CLDN10: variants seen among roughly 807,000 people sequenced by gnomAD.
CLDN10 encodes the protein claudin-10.
In CLDN10, 15 loss-of-function variants were observed where a neutral mutation model predicts 22.9. That is an observed-to-expected ratio of 0.65 (90% CI 0.44 to 1.01). The LOEUF is 1.01. Ranked by LOEUF, CLDN10 falls within the 50% of genes least tolerant of loss-of-function variation. CLDN10 has a pLI of 0.00. For synonymous variants in CLDN10, 114 were observed against 111.4 expected, an observed-to-expected ratio of 1.02 and a Z score of -0.15; for missense variants, 247 against 287.8, an observed-to-expected ratio of 0.86 and a Z score of 1.03.
intron 1 of CLDN10, among the ~76,000 whole-genome samples, chr13:95,505,545 A>G (rs1305564903): frequency 6.6e-6 from 1 of 152,110 alleles, no homozygotes; most frequent in Admixed American, 6.5e-5. Context: ...TCTGAAGGGT[A>G]TTTTTGGCTC....
intron 1 of CLDN10, among the ~76,000 whole-genome samples, chr13:95,457,357 G>A (rs1322834872): frequency 6.6e-6 from 1 of 152,190 alleles, no homozygotes; most frequent in Non-Finnish European, 1.5e-5. Context: ...ACATTGCAGA[G>A]TTTGTTTCGT....
At chr13:95,553,592 C>G (rs553812515) in intron 1 of CLDN10, among the ~76,000 whole-genome samples, 2 of 152,370 alleles carry the variant, frequency 1.3e-5, no homozygotes, top group Non-Finnish European at 2.9e-5. Flanking sequence ...ACTACAAACA[C>G]TTCCTCCGAG....
chr13:95,440,775 AG>A (rs1457002614), intron 1 of CLDN10, among the ~76,000 whole-genome samples: 3 of 152,366 alleles, frequency 2.0e-5, no homozygotes, highest in Middle Eastern at 3.4e-3. Context: ...GAATCTAGAC[AG>A]GTTGAGCCAC....
chr13:95,474,825 T>G (rs1594544439), intron 1 of CLDN10, among the ~76,000 whole-genome samples: 6 of 146,716 alleles, frequency 4.1e-5, no homozygotes, highest in South Asian at 2.2e-4. Context: ...GGGGGTAGGG[T>G]GGAGGAAGAT....
chr13:95,460,200 T>C (rs1047776271), intron 1 of CLDN10, among the ~76,000 whole-genome samples: 2 of 152,210 alleles, frequency 1.3e-5, no homozygotes, highest in Admixed American at 1.3e-4. Context: ...AACAAGTCTC[T>C]AGAAACTTTC....
intron 3 of CLDN10, among the ~76,000 whole-genome samples, chr13:95,572,038 G>A (rs2043868731): frequency 1.3e-5 from 2 of 152,096 alleles, no homozygotes; most frequent in South Asian, 2.1e-4. Context: ...AGGTGCTTTC[G>A]TTTGTTAAAA....
chr13:95,482,528 C>A (rs964118202), intron 1 of CLDN10, among the ~76,000 whole-genome samples: 4 of 152,132 alleles, frequency 2.6e-5, no homozygotes, highest in Non-Finnish European at 5.9e-5. Context: ...TCTCGGGCTG[C>A]CTTCAGTGCA....
upstream of CLDN10, among the ~76,000 whole-genome samples, chr13:95,552,190 A>G (rs2043573156): frequency 6.6e-6 from 1 of 152,272 alleles, no homozygotes; most frequent in Non-Finnish European, 1.5e-5. Flanking sequence ...AGAATCTGCA[A>G]TGATCCCTCC....
rs972645491 is a variant in CLDN10, at chr13:95,579,170, A to G, written c.*1156A>G. ...ATGGGTTAAGGACATCCCAAGCCCAAGTGGTACGTGCCTCACTCAGAACTG... is the reference window on the plus strand; with the variant it reads ...ATGGGTTAAGGACATCCCAAGCCCAGGTGGTACGTGCCTCACTCAGAACTG... On this transcript the variant is annotated 3_prime_UTR_variant, in exon 5 of 5. Transcript: ENST00000299339. 2 of 152,210 alleles carry G rather than the reference A, an allele frequency of 1.3e-5. No homozygotes were observed. The highest frequency in any genetic ancestry group is 2.4e-5 in the African/African-American group (1 of 41,444). 9.4% of individuals were successfully genotyped at this position (152,210 alleles called of 1,614,324 possible). A position where few individuals can be genotyped will look rare whatever the true frequency, so the allele number is the denominator to read the frequency against.
chr13:95,551,734 C>A (rs568165657), upstream of CLDN10, among the ~76,000 whole-genome samples: 11 of 152,276 alleles, frequency 7.2e-5, no homozygotes, highest in East Asian at 1.3e-3. Flanking sequence ...CAAATAATAA[C>A]CCGTGTCCTT....
chr13:95,540,474 G>A (rs1328995042), intron 1 of CLDN10, among the ~76,000 whole-genome samples: 2 of 152,030 alleles, frequency 1.3e-5, no homozygotes, highest in Non-Finnish European at 2.9e-5. Flanking sequence ...AGCCTGGGCA[G>A]CAGAGCAGAG....
chr13:95,508,017 G>A (rs986511723), intron 1 of CLDN10, among the ~76,000 whole-genome samples: 3 of 152,114 alleles, frequency 2.0e-5, no homozygotes, highest in Admixed American at 6.6e-5. Context: ...GAGCCCAGGA[G>A]GTGGAGGCTG....
In CLDN10 at chr13:95,536,046, T is replaced by C. The variant is rs190102089; in HGVS notation, c.215-24086T>C. Among the ~76,000 whole-genome samples the C allele has an allele frequency of 8.5e-5, 13 of 152,080 alleles. No homozygotes were observed. In the East Asian group the frequency reaches 2.5e-3, roughly 29 times the overall value. ...AGATGGCAGTGGATGGAGAAGTAGA[T>C]GGGTGGTGGACAGAGAGACTGTGAT... On this transcript the variant is annotated intron_variant, in intron 1 of 4. Coordinates refer to the CLDN10 transcript ENST00000376873.
chr13:95,578,569 G>T lies in CLDN10; in HGVS notation c.*555G>T. The T allele has an allele frequency of 6.6e-6, 1 of 152,240 alleles. No homozygotes were observed. The highest frequency in any genetic ancestry group is 1.5e-5 in the Non-Finnish European group (1 of 68,032). The allele number at this position is 152,240 out of a possible 1,614,324, so 9.4% of individuals were successfully genotyped here. On this transcript the variant is annotated 3_prime_UTR_variant, in exon 5 of 5. Transcript: ENST00000299339. ...TTTTTGTTGAAGCAGCAAGTTATCT[G>T]GTAGAACTTAACTTCTACAGGATCA...
intron 3 of CLDN10, among the ~76,000 whole-genome samples, chr13:95,564,671 A>G (rs2043759804): frequency 6.6e-6 from 1 of 152,226 alleles, no homozygotes; most frequent in African/African-American, 2.4e-5. Context: ...TTGGTTGCCC[A>G]AGTTAGGAAA....
intron 1 of CLDN10, among the ~76,000 whole-genome samples, chr13:95,507,167 A>G (rs556492695): frequency 6.6e-6 from 1 of 152,322 alleles, no homozygotes; most frequent in Non-Finnish European, 1.5e-5. Context: ...CCTTTGATCG[A>G]TTTGTGAATT....
intron 1 of CLDN10, among the ~76,000 whole-genome samples, chr13:95,515,301 C>T (rs183514600): frequency 2.6e-5 from 4 of 152,224 alleles, no homozygotes; most frequent in East Asian, 1.9e-4. Flanking sequence ...TGGGTTCAAG[C>T]GATTCTCATG....
At chr13:95,530,929 C>CT (rs1269039220) in intron 1 of CLDN10, among the ~76,000 whole-genome samples, 2,953 of 141,732 alleles carry the variant, frequency 0.021, 82 homozygotes, top group African/African-American at 0.063. Flanking sequence ...ATCATCTTTC[C>CT]TTTTTTTTTT....
At chr13:95,466,372 G>C (rs543474160) in intron 1 of CLDN10, among the ~76,000 whole-genome samples, 1 of 152,202 alleles carries the variant, frequency 6.6e-6, no homozygotes, top group African/African-American at 2.4e-5. Flanking sequence ...GGAAGCGCTT[G>C]TCTGATGTGT....
Sources: gnomAD v4.1 joint callset for allele counts (sites outside exome capture counted in the v4.1 genomes callset) on GRCh38, gnomAD v4.1.1 for gene constraint, MANE v1.5 for transcripts, NCBI Gene and HGNC (gene_info 2026-07-23, HGNC 2026-07-21) for gene names.